SPTSSA: variants seen among roughly 807,000 people sequenced by gnomAD.
The protein encoded by SPTSSA is small subunit of serine palmitoyltransferase A.
SPTSSA carries 8 observed loss-of-function variants against 9.1 expected under a neutral mutation model. The ratio of observed to expected loss-of-function variants is 0.88; its 90% confidence interval spans 0.51 to 1.58. SPTSSA has a LOEUF of 1.58. Among genes scored for constraint, SPTSSA ranks in the 40% most tolerant of loss-of-function variants. SPTSSA has a pLI of 0.00. For missense variants in SPTSSA, 100 were observed against 93.8 expected, an observed-to-expected ratio of 1.07 and a Z score of -0.27; for synonymous variants, 42 against 37.7, an observed-to-expected ratio of 1.11 and a Z score of -0.41.
chr14:34,446,968 A>C (rs1477545414), intron 1 of SPTSSA, among the ~76,000 whole-genome samples: 3 of 152,076 alleles, frequency 2.0e-5, no homozygotes, highest in Non-Finnish European at 4.4e-5. Flanking sequence ...TCACACCTGT[A>C]ATCACAGCAC....
At chr14:34,461,741 C>A (rs1878620523) in intron 1 of SPTSSA, among the ~76,000 whole-genome samples, 1 of 152,234 alleles carries the variant, frequency 6.6e-6, no homozygotes, top group African/African-American at 2.4e-5. Flanking sequence ...ATGATCCCCG[C>A]CTCCTACAGG....
chr14:34,434,117 G>T lies in SPTSSA; in HGVS notation c.*1084C>A, dbSNP rs900502687. The stretch of plus-strand genomic sequence containing the variant: ...AAATAATTCAGCAATATAAATACTA[G>T]ATCAATATTTAACCATCAAGGAAAA... On this transcript the variant is annotated 3_prime_UTR_variant, in exon 2 of 2. Transcript: ENST00000298130. 1 of 150,702 alleles carries T rather than the reference G, an allele frequency of 6.6e-6. No individual in the cohort carries two copies. Among genetic ancestry groups the T allele is most frequent in the Non-Finnish European group, 1.5e-5 (1 of 67,814 alleles). The allele number at this position is 150,702 out of a possible 1,614,324, so 9.3% of individuals were successfully genotyped here.
chr14:34,459,423 C>T (rs1878565571), intron 1 of SPTSSA, among the ~76,000 whole-genome samples: 1 of 147,830 alleles, frequency 6.8e-6, no homozygotes, highest in Non-Finnish European at 1.5e-5. Flanking sequence ...TGCACCACCA[C>T]ACTCCAGCCT....
chr14:34,452,245 C>CAAA (rs532756986), intron 1 of SPTSSA, among the ~76,000 whole-genome samples: 1 of 97,042 alleles, frequency 1.0e-5, no homozygotes, highest in African/African-American at 3.2e-5. Flanking sequence ...GACTCAATCT[C>CAAA]AAAAAAAAAA....
intron 1 of SPTSSA, among the ~76,000 whole-genome samples, chr14:34,448,161 C>T (rs918382028): frequency 6.6e-6 from 1 of 152,042 alleles, no homozygotes; most frequent in African/African-American, 2.4e-5. Context: ...GAGGCTGAGG[C>T]AGGAGAATCG....
chr14:34,456,898 CA>C lies in SPTSSA; in HGVS notation c.112+5197del, dbSNP rs1195715563. Among the ~76,000 whole-genome samples the C allele has an allele frequency of 8.3e-3, 1,049 of 126,456 alleles. 7 individuals carry two copies. The highest frequency in any genetic ancestry group is 0.028 in the African/African-American group (951 of 34,400). 83.0% of individuals were successfully genotyped at this position (126,456 alleles called of 152,430 possible). Reference sequence around the variant, plus strand: ...TGGGCAACACAGCGAGACTCCATCTCAAAAAAAAAAAGAAAAGAAAAAAGAT... The same window carrying C: ...TGGGCAACACAGCGAGACTCCATCTCAAAAAAAAAAGAAAAGAAAAAAGAT... On this transcript the variant is annotated intron_variant, in intron 1 of 1. Transcript: ENST00000298130.
At chr14:34,436,582 A>C (rs1883243799) in intron 1 of SPTSSA, among the ~76,000 whole-genome samples, 1 of 152,242 alleles carries the variant, frequency 6.6e-6, no homozygotes, top group South Asian at 2.1e-4. Context: ...GATAGGGTTT[A>C]AATAAACAAT....
intron 1 of SPTSSA, among the ~76,000 whole-genome samples, chr14:34,442,928 T>G (rs1566422667): frequency 1.3e-5 from 2 of 151,474 alleles, no homozygotes; most frequent in Non-Finnish European, 2.9e-5. Flanking sequence ...GGATCTTCCT[T>G]TGTGTGTGTG....
chr14:34,460,361 A>T (rs953074419), intron 1 of SPTSSA, among the ~76,000 whole-genome samples: 2 of 152,170 alleles, frequency 1.3e-5, no homozygotes, highest in Non-Finnish European at 2.9e-5. Context: ...TGAAAAAAAA[A>T]TTGAAACTAC....
intron 1 of SPTSSA, among the ~76,000 whole-genome samples, chr14:34,442,972 G>A (rs914468900): frequency 4.7e-5 from 7 of 150,410 alleles, no homozygotes; most frequent in Non-Finnish European, 1.0e-4. Flanking sequence ...GTGTGTGTGT[G>A]TGTGTGTGTG....
intron 1 of SPTSSA, among the ~76,000 whole-genome samples, chr14:34,457,123 C>T (rs139559557): frequency 0.02 from 3,037 of 151,734 alleles, 46 homozygotes; most frequent in Non-Finnish European, 0.035. Flanking sequence ...GGACTACAGG[C>T]GCCAGCCACC....
At chr14:34,459,524 T>C (rs1878571780) in intron 1 of SPTSSA, among the ~76,000 whole-genome samples, 4 of 151,242 alleles carry the variant, frequency 2.6e-5, no homozygotes, top group Admixed American at 2.0e-4. Flanking sequence ...CTCATGCCTG[T>C]AATCCCAGCA....
chr14:34,448,321 G>C (rs1289206420), intron 1 of SPTSSA, among the ~76,000 whole-genome samples: 1 of 152,048 alleles, frequency 6.6e-6, no homozygotes, highest in African/African-American at 2.4e-5. Flanking sequence ...GTCCCCAATA[G>C]GTAGGGACTA....
At chr14:34,441,951 C>T (rs932053378) in intron 1 of SPTSSA, among the ~76,000 whole-genome samples, 2 of 152,110 alleles carry the variant, frequency 1.3e-5, no homozygotes, top group African/African-American at 4.8e-5. Context: ...TCTCAGCTCA[C>T]TGCAACCTCC....
intron 1 of SPTSSA, among the ~76,000 whole-genome samples, chr14:34,447,963 C>A (rs1030685266): frequency 4.6e-5 from 7 of 152,162 alleles, no homozygotes; most frequent in African/African-American, 1.4e-4. Flanking sequence ...CATCAAGAAG[C>A]TACCCTGCTG....
At chr14:34,442,754 A>C (rs1883339422) in intron 1 of SPTSSA, among the ~76,000 whole-genome samples, 1 of 152,192 alleles carries the variant, frequency 6.6e-6, no homozygotes, top group Non-Finnish European at 1.5e-5. Flanking sequence ...GTTTGGCCCC[A>C]GTGCTCCTTG....
chr14:34,444,576 AC>A (rs1484850426), intron 1 of SPTSSA, among the ~76,000 whole-genome samples: 2 of 151,982 alleles, frequency 1.3e-5, no homozygotes, highest in African/African-American at 4.8e-5. Flanking sequence ...ACATAGTGAA[AC>A]CCTGTCTCTA....
intron 1 of SPTSSA, among the ~76,000 whole-genome samples, chr14:34,451,524 C>T (rs1341951264): frequency 3.3e-5 from 5 of 151,854 alleles, no homozygotes; most frequent in Admixed American, 2.0e-4. Context: ...GAGATCGAGA[C>T]CGTCCTGGCT....
rs111828211 is a variant in SPTSSA, at chr14:34,435,085, T to A, written c.*116A>T. On this transcript the variant is annotated 3_prime_UTR_variant, in exon 2 of 2. Transcript: ENST00000298130. ...CTGTTCTACTCATGAATTTTAGTCT[T>A]TATAAGGTTGGTTATGTTGACATCT... 4.7e-3 allele frequency: 3,082 copies of A among 650,906 alleles called. 12 individuals carry two copies. The highest frequency in any genetic ancestry group is 7.3e-3 in the Non-Finnish European group (2,782 of 383,368). 40.3% of individuals were successfully genotyped at this position (650,906 alleles called of 1,614,324 possible).
Sources: gnomAD v4.1 joint callset for allele counts (sites outside exome capture counted in the v4.1 genomes callset) on GRCh38, gnomAD v4.1.1 for gene constraint, MANE v1.5 for transcripts, NCBI Gene and HGNC (gene_info 2026-07-23, HGNC 2026-07-21) for gene names.